The following PLEKHA1 variants were observed in gnomAD, a reference collection of about 807,000 sequenced individuals.
The protein encoded by PLEKHA1 is pleckstrin homology domain-containing family A member 1.
Under a neutral mutation model 52.0 loss-of-function variants are expected in PLEKHA1, and 34 were observed. The ratio of observed to expected loss-of-function variants is 0.65; its 90% CI spans 0.50 to 0.87. The LOEUF (loss-of-function observed/expected upper bound fraction) is 0.87. Among genes scored for constraint, PLEKHA1 ranks in the 40% least tolerant of loss-of-function variants. The pLI, the probability that PLEKHA1 is intolerant of heterozygous loss-of-function variation, is 0.00. For synonymous variants in PLEKHA1, 163 were observed against 170.7 expected, an observed-to-expected ratio of 0.95 and a Z score of 0.35; for missense variants, 497 against 504.2, an observed-to-expected ratio of 0.99 and a Z score of 0.14.
At chr10:122,439,937 T>G in the PLEKHA1 span, 1 of 152,218 alleles carries the variant, frequency 6.6e-6, no homozygotes, top group South Asian at 2.1e-4. Context: ...AATTATACAT[T>G]TTATCTAAGT....
Position 122,424,169 on chromosome 10 carries a change from CTGTTTTTTTTT to C in PLEKHA1, c.682-28_682-18del. Reference sequence around the variant, plus strand: ...GATTTTAAGAATAAACATCATGTAACTGTTTTTTTTTTTTTTTTTTTTTTGCCAGGAAAAGG... The same window carrying C: ...GATTTTAAGAATAAACATCATGTAACTTTTTTTTTTTTTGCCAGGAAAAGG... On this transcript the variant is annotated intron_variant, in intron 8 of 11. Coordinates refer to ENST00000368990, the MANE Select transcript of PLEKHA1 (RefSeq NM_001001974.4). 4.1e-6 allele frequency: 3 copies of C among 728,554 alleles called. No individual in the cohort carries two copies. The highest frequency in any genetic ancestry group is 6.4e-5 in the African/African-American group (2 of 31,336). The allele number at this position is 728,554 out of a possible 1,614,324, so 45.1% of individuals were successfully genotyped here. A position where few individuals can be genotyped will look rare whatever the true frequency, so the allele number is the denominator to read the frequency against.
chr10:122,394,374 C>T (rs891437144), intron 2 of PLEKHA1, among the ~76,000 whole-genome samples: 1 of 151,966 alleles, frequency 6.6e-6, no homozygotes, highest in African/African-American at 2.4e-5. Flanking sequence ...CCGCGCCCGG[C>T]CTTTTGGAAC....
At chr10:122,442,237 C>T in the PLEKHA1 span, 1 of 152,094 alleles carries the variant, frequency 6.6e-6, no homozygotes. Flanking sequence ...GACACAGAGC[C>T]ACCATCGCTG....
chr10:122,428,389 C>A, intron 11 of PLEKHA1: 1 of 1,533,790 alleles, frequency 6.5e-7, no homozygotes, highest in South Asian at 1.2e-5. Flanking sequence ...AGTGGAGGGC[C>A]CAGACTTACT....
chr10:122,380,213 G>T (rs1419097486), intron 1 of PLEKHA1, among the ~76,000 whole-genome samples: 4 of 152,096 alleles, frequency 2.6e-5, no homozygotes, highest in Non-Finnish European at 1.5e-5. Flanking sequence ...AGTAATTATG[G>T]GTTACTTCAT....
At chr10:122,406,777 A>C in intron 5 of PLEKHA1, 104 bp downstream of exon 5, 1 of 839,928 alleles carries the variant, frequency 1.2e-6, no homozygotes, top group Non-Finnish European at 1.9e-6. Context: ...CAGGTTTCAT[A>C]CTCAAGCTTT....
downstream of PLEKHA1, chr10:122,434,192 C>T (rs1353814905): frequency 6.6e-6 from 1 of 152,080 alleles, no homozygotes; most frequent in Non-Finnish European, 1.5e-5. Flanking sequence ...TGATGCTGCT[C>T]CAAATATGTA....
intron 2 of PLEKHA1, among the ~76,000 whole-genome samples, chr10:122,397,428 A>G (rs148750033): frequency 0.01 from 1,533 of 152,228 alleles, 18 homozygotes; most frequent in Non-Finnish European, 0.015. Context: ...AAAAAGTATC[A>G]ATGTAGATTA....
chr10:122,430,102 C>A lies in PLEKHA1; in HGVS notation c.*164C>A. On this transcript the variant is annotated 3_prime_UTR_variant, in exon 12 of 12. Transcript: ENST00000368990. ...GTAAACCAAGAATCTAGGGAGTGGC[C>A]AAACTAAATATAATTTCTTTAAAAA... 3 of 693,748 alleles carry A rather than the reference C, an allele frequency of 4.3e-6. No individual in the cohort carries two copies. The highest frequency in any genetic ancestry group is 6.5e-6 in the Non-Finnish European group (3 of 461,624). The allele number at this position is 693,748 out of a possible 1,614,324, so 43.0% of individuals were successfully genotyped here.
intron 1 of PLEKHA1, among the ~76,000 whole-genome samples, chr10:122,388,993 C>T (rs1232863271): frequency 1.3e-5 from 2 of 152,202 alleles, no homozygotes; most frequent in East Asian, 3.9e-4. Context: ...AAGTCTTGAA[C>T]CCTCCCAAGT....
intron 10 of PLEKHA1, among the ~76,000 whole-genome samples, chr10:122,426,163 C>A (rs1462378425): frequency 6.6e-6 from 1 of 152,018 alleles, no homozygotes; most frequent in African/African-American, 2.4e-5. Context: ...TGCCTGATTT[C>A]TTTAGGGTAA....
At chr10:122,389,060 AC>A (rs1349653092) in intron 1 of PLEKHA1, among the ~76,000 whole-genome samples, 5 of 152,130 alleles carry the variant, frequency 3.3e-5, no homozygotes, top group Non-Finnish European at 7.3e-5. Context: ...TGATATTTGG[AC>A]CTCCTCTTGT....
At chr10:122,439,480 C>T in the PLEKHA1 span, 1 of 151,546 alleles carries the variant, frequency 6.6e-6, no homozygotes, top group Non-Finnish European at 1.5e-5. Context: ...GCCTGTAATC[C>T]TAGCATTTTG....
chr10:122,404,247 T>C (rs2096973182), intron 4 of PLEKHA1, among the ~76,000 whole-genome samples: 1 of 152,190 alleles, frequency 6.6e-6, no homozygotes, highest in Non-Finnish European at 1.5e-5. Context: ...ATTTTTTTTT[T>C]CTAGATCATA....
At chr10:122,378,595 G>C (rs867165554) in intron 1 of PLEKHA1, among the ~76,000 whole-genome samples, 4 of 151,962 alleles carry the variant, frequency 2.6e-5, no homozygotes, top group Middle Eastern at 3.2e-3. Flanking sequence ...AATCAGCCGG[G>C]CGTGGTGGCA....
chr10:122,385,922 T>C (rs2096688797), intron 1 of PLEKHA1, among the ~76,000 whole-genome samples: 2 of 152,358 alleles, frequency 1.3e-5, no homozygotes, highest in South Asian at 4.1e-4. Flanking sequence ...TTTTTGCCAG[T>C]TATGACTAAT....
chr10:122,403,782 C>T (rs530874659), intron 4 of PLEKHA1, among the ~76,000 whole-genome samples: 2 of 152,242 alleles, frequency 1.3e-5, no homozygotes, highest in African/African-American at 4.8e-5. Context: ...ACCTCCACCT[C>T]CTGGGTTCAA....
intron 6 of PLEKHA1, among the ~76,000 whole-genome samples, chr10:122,414,185 C>G (rs1266615847): frequency 6.6e-6 from 1 of 152,074 alleles, no homozygotes; most frequent in Non-Finnish European, 1.5e-5. Context: ...AAGCTTCTTT[C>G]ACTGGTATTA....
Position 122,430,645 on chromosome 10 carries a change from C to T in PLEKHA1, c.*707C>T, listed in dbSNP as rs1590994427. ...CCTTGGAGCAGTCACTGCTTTATTC[C>T]GCAAAAATTATTTGGTAGGAAATTT... is the stretch of plus-strand genomic sequence containing the variant. On this transcript the variant is annotated 3_prime_UTR_variant, in exon 12 of 12. Coordinates refer to ENST00000368990, the MANE Select transcript of PLEKHA1 (RefSeq NM_001001974.4). The T allele has an allele frequency of 6.6e-6, 1 of 152,150 alleles. No individual in the cohort carries two copies. The highest frequency in any genetic ancestry group is 1.5e-5 in the Non-Finnish European group (1 of 68,034). The allele number at this position is 152,150 out of a possible 1,614,324, so 9.4% of individuals were successfully genotyped here.
Sources: allele counts gnomAD v4.1 joint callset (sites outside exome capture counted in the v4.1 genomes callset), GRCh38; gene constraint gnomAD v4.1.1; transcripts MANE v1.5; gene names NCBI Gene and HGNC (gene_info 2026-07-23, HGNC 2026-07-21).